Variants in SPAG16 observed in about 807,000 individuals in gnomAD.
The protein encoded by SPAG16 is sperm-associated antigen 16 protein.
SPAG16 carries 86 observed loss-of-function variants against 80.4 expected under a neutral mutation model. The ratio of observed to expected loss-of-function variants is 1.07; its 90% CI spans 0.90 to 1.28. The LOEUF (loss-of-function observed/expected upper bound fraction) is 1.28, where lower values mean the gene tolerates loss of function less well. Ranked by LOEUF, SPAG16 falls within the 50% of genes most tolerant of loss-of-function variation. The probability of loss-of-function intolerance (pLI) is 0.00; values close to 1 mark genes in which losing one functional copy is unlikely to be tolerated. For synonymous variants in SPAG16, 294 were observed against 265.9 expected, an observed-to-expected ratio of 1.11 and a Z score of -1.03; for missense variants, 870 against 765.3, an observed-to-expected ratio of 1.14 and a Z score of -1.61.
At chr2:213,665,000 G>A (rs1395616295) in intron 10 of SPAG16, among the ~76,000 whole-genome samples, 2 of 151,920 alleles carry the variant, frequency 1.3e-5, no homozygotes, top group Admixed American at 1.3e-4. Context: ...CTGCTTTATG[G>A]ATCTGTGGAC....
chr2:213,848,506 T>C (rs1427347), intron 10 of SPAG16, among the ~76,000 whole-genome samples: 140,795 of 152,178 alleles, frequency 0.93, 66,132 homozygotes, highest in East Asian at 1. Flanking sequence ...ATATGTTCAT[T>C]AATTTTCACC....
At chr2:214,109,035 T>C (rs2053540196) in intron 14 of SPAG16, among the ~76,000 whole-genome samples, 1 of 152,108 alleles carries the variant, frequency 6.6e-6, no homozygotes, top group South Asian at 2.1e-4. Flanking sequence ...GTTAATGTCT[T>C]TGAAGGAAGT....
At chr2:213,889,246 T>G (rs1314208972) in intron 11 of SPAG16, among the ~76,000 whole-genome samples, 2 of 151,874 alleles carry the variant, frequency 1.3e-5, no homozygotes, top group African/African-American at 4.8e-5. Flanking sequence ...AGTAACAACT[T>G]AAATCACCTT....
intron 10 of SPAG16, among the ~76,000 whole-genome samples, chr2:213,849,548 A>G (rs577183631): frequency 6.6e-6 from 1 of 152,374 alleles, no homozygotes; most frequent in South Asian, 2.1e-4. Context: ...TGTCATTACA[A>G]TAATCACATT....
At chr2:214,116,487 C>G (rs1384295679) in intron 14 of SPAG16, among the ~76,000 whole-genome samples, 1 of 152,202 alleles carries the variant, frequency 6.6e-6, no homozygotes, top group Non-Finnish European at 1.5e-5. Flanking sequence ...CTGGGAATTG[C>G]ACACTCACGT....
At chr2:213,597,083 A>T (rs1046415653) in intron 10 of SPAG16, among the ~76,000 whole-genome samples, 4 of 152,180 alleles carry the variant, frequency 2.6e-5, no homozygotes, top group Non-Finnish European at 4.4e-5. Flanking sequence ...TTGATATGAG[A>T]ATATGCCTCA....
At chr2:213,715,265 T>TATCTATCC (rs1170478508) in intron 10 of SPAG16, among the ~76,000 whole-genome samples, 1 of 151,514 alleles carries the variant, frequency 6.6e-6, no homozygotes, top group African/African-American at 2.4e-5. Context: ...TCTATCTATC[T>TATCTATCC]ATCCATTCAT....
intron 10 of SPAG16, among the ~76,000 whole-genome samples, chr2:213,513,909 C>T (rs968431911): frequency 6.6e-6 from 1 of 152,132 alleles, no homozygotes. Context: ...AAACTTCTCT[C>T]TCAATCATAG....
intron 10 of SPAG16, among the ~76,000 whole-genome samples, chr2:213,658,233 T>C (rs1489083088): frequency 6.6e-6 from 1 of 152,150 alleles, no homozygotes; most frequent in Non-Finnish European, 1.5e-5. Context: ...TCTCACTGGC[T>C]GGTGTGCTCC....
At chr2:213,604,014 C>T (rs969405307) in intron 10 of SPAG16, among the ~76,000 whole-genome samples, 2 of 151,580 alleles carry the variant, frequency 1.3e-5, no homozygotes, top group Non-Finnish European at 2.9e-5. Context: ...TCCTCTGCCT[C>T]CTGAGTAGCT....
intron 11 of SPAG16, among the ~76,000 whole-genome samples, chr2:213,872,944 A>C (rs1258322038): frequency 6.6e-6 from 1 of 150,496 alleles, no homozygotes; most frequent in Non-Finnish European, 1.5e-5. Flanking sequence ...TGCTTATGAT[A>C]TACAGTCATT....
At chr2:213,911,786 T>C (rs1301643080) in intron 11 of SPAG16, among the ~76,000 whole-genome samples, 1 of 131,176 alleles carries the variant, frequency 7.6e-6, no homozygotes, top group East Asian at 2.2e-4. Flanking sequence ...ACAGTTAAAT[T>C]AGAAAGCAGA....
intron 14 of SPAG16, among the ~76,000 whole-genome samples, chr2:214,112,869 G>A (rs1239713363): frequency 1.3e-5 from 2 of 152,066 alleles, no homozygotes; most frequent in South Asian, 4.1e-4. Flanking sequence ...TCTTTATGAT[G>A]TTAGCTGGTT....
chr2:214,071,914 T>C (rs971800521), intron 13 of SPAG16, among the ~76,000 whole-genome samples: 6 of 152,314 alleles, frequency 3.9e-5, no homozygotes, highest in Admixed American at 1.3e-4. Context: ...AAATTATAAC[T>C]AATTTTAAAC....
chr2:214,171,462 A>G (rs926748348), intron 15 of SPAG16, among the ~76,000 whole-genome samples: 1 of 151,996 alleles, frequency 6.6e-6, no homozygotes, highest in Non-Finnish European at 1.5e-5. Context: ...AATAGTTTAT[A>G]TATTTTATAA....
chr2:213,476,225 T>A (rs1192994985), intron 9 of SPAG16, among the ~76,000 whole-genome samples: 1 of 152,178 alleles, frequency 6.6e-6, no homozygotes, highest in African/African-American at 2.4e-5. Flanking sequence ...GAAAATGTGA[T>A]AGGAAAGACT....
chr2:213,736,359 TCTCGGCTCACTGTAAACTTCAC>T (rs1189611564), intron 10 of SPAG16, among the ~76,000 whole-genome samples: 1 of 151,918 alleles, frequency 6.6e-6, no homozygotes, highest in Non-Finnish European at 1.5e-5. Flanking sequence ...AGTGGTGTGA[TCTCGGCTCACTGTAAACTTCAC>T]CTTCCAGGTT....
At chr2:213,859,459 C>G (rs2075327758) in intron 10 of SPAG16, among the ~76,000 whole-genome samples, 1 of 152,082 alleles carries the variant, frequency 6.6e-6, no homozygotes, top group South Asian at 2.1e-4. Flanking sequence ...GTACCCAGCT[C>G]TGATACAATA....
chr2:213,958,477 T>G (rs2044257252), intron 12 of SPAG16, among the ~76,000 whole-genome samples: 1 of 151,826 alleles, frequency 6.6e-6, no homozygotes, highest in South Asian at 2.1e-4. Context: ...TATGATAAAA[T>G]TAAACCTATA....
Sources: gnomAD v4.1 joint callset for allele counts (sites outside exome capture counted in the v4.1 genomes callset) on GRCh38, gnomAD v4.1.1 for gene constraint, MANE v1.5 for transcripts, NCBI Gene and HGNC (gene_info 2026-07-23, HGNC 2026-07-21) for gene names.